ADAMTSL5: variants seen among roughly 807,000 people sequenced by gnomAD.
ADAMTSL5 encodes ADAMTS-like protein 5.
Under a neutral mutation model 51.7 loss-of-function variants are expected in ADAMTSL5, and 53 were observed. The ratio of observed to expected loss-of-function variants is 1.03; its 90% CI spans 0.82 to 1.29. The LOEUF (loss-of-function observed/expected upper bound fraction) is 1.29, where lower values mean the gene tolerates loss of function less well. ADAMTSL5 is among the 50% of genes most tolerant of loss of function. The pLI is 0.00. For missense variants in ADAMTSL5, 770 were observed against 676.2 expected, an observed-to-expected ratio of 1.14 and a Z score of -1.54; for synonymous variants, 285 against 278.7, an observed-to-expected ratio of 1.02 and a Z score of -0.23.
At chr19:1,512,135 T>C (rs1369507385) in intron 1 of ADAMTSL5, among the ~76,000 whole-genome samples, 1 of 152,174 alleles carries the variant, frequency 6.6e-6, no homozygotes, top group Non-Finnish European at 1.5e-5. Flanking sequence ...CAGGGCGTCC[T>C]GCTGCCAGCA....
intron 9 of ADAMTSL5, 92 bp downstream of exon 9, chr19:1,507,150 C>T: frequency 6.8e-7 from 1 of 1,473,348 alleles, no homozygotes; most frequent in Non-Finnish European, 9.0e-7. Flanking sequence ...CCCCTTCTGG[C>T]CCCAGTCACC....
At chr19:1,510,466 C>T (rs1347247446) in intron 3 of ADAMTSL5, 38 bp from the exon 4 acceptor site, 8 of 1,572,974 alleles carry the variant, frequency 5.1e-6, no homozygotes, top group Non-Finnish European at 6.9e-6. Context: ...CCCCCAGGGA[C>T]CCCCTCCCAG....
At position 1,506,081 on chromosome 19, in the gene ADAMTSL5, G is replaced by A. The variant is rs536048144; in HGVS notation, c.1350C>T (p.Tyr450=). 2.6e-5 allele frequency: 42 copies of A among 1,599,650 alleles called. No homozygotes were observed. The highest frequency in any genetic ancestry group is 5.1e-5 in the Admixed American group (3 of 58,718). Residue 450 remains tyrosine (Y), a synonymous_variant, in exon 12 of 12, where the codon TAC becomes TAT. Coordinates refer to ENST00000330475, the MANE Select transcript of ADAMTSL5 (RefSeq NM_213604.3). The surrounding 1 kb of genome is among the most constrained non-coding windows in gnomAD (Gnocchi z 5.6). ...CCTCCGCAGGGCTCCAGGGCCGGGC[G>A]TAGCCGGCGTGGGGCAGCAGCAGCT... ...QDQLLLPHAG[Y]ARPWSPAEDS... is the part of the protein sequence containing the mutation.
rs1269341195 is a variant in ADAMTSL5 at position 1,510,198 on chromosome 19, G to A, written c.313C>T (p.Pro105Ser). Reference protein sequence around the residue: ...DLQCALYNGRPVLGTQKTYQW... With the variant: ...DLQCALYNGRSVLGTQKTYQW... ...TAGGTCTTCTGGGTGCCCAGGACAG[G>A]GCGGCCATTGTACAGGGCACACTGT... Residue 105 changes from proline to serine, a missense_variant, in exon 5 of 12, where the codon CCT becomes TCT. By Grantham distance (74) the Pro-to-Ser change is moderately conservative. Transcript: ENST00000330475. The A allele has an allele frequency of 6.2e-7, 1 of 1,613,144 alleles. No individual in the cohort carries two copies. Among genetic ancestry groups the A allele is most frequent in the South Asian group, 1.1e-5 (1 of 90,852 alleles).
At position 1,510,912 on chromosome 19, in the gene ADAMTSL5, TGGGGCCTGGGG is replaced by T. The variant is rs1568245274; in HGVS notation, c.21_31del (p.Phe7LeufsTer67). 5 of 1,476,680 alleles carry T rather than the reference TGGGGCCTGGGG, an allele frequency of 3.4e-6. No individual in the cohort carries two copies. In the Admixed American group the frequency reaches 1.1e-4, roughly 32 times the overall value. The allele number at this position is 1,476,680 out of a possible 1,614,324, so 91.5% of individuals were successfully genotyped here. A position where few individuals can be genotyped will look rare whatever the true frequency, so the allele number is the denominator to read the frequency against. On this transcript the variant is annotated frameshift_variant, in exon 2 of 12. Coordinates refer to ENST00000330475, the MANE Select transcript of ADAMTSL5 (RefSeq NM_213604.3). LOFTEE classifies it high-confidence loss of function. ...GAAGAGCAGGAGGTTCTGGAAGAGG[TGGGGCCTGGGG>T]AACAGAGGGGCCGAGTCCATAGAGC...
chr19:1,509,646 G>A (rs1268685035), intron 5 of ADAMTSL5, among the ~76,000 whole-genome samples: 3 of 97,012 alleles, frequency 3.1e-5, no homozygotes, highest in Non-Finnish European at 4.8e-5. Context: ...GGGAGGGAGG[G>A]AGGAAGGAAG....
In ADAMTSL5 at chr19:1,506,273, C is replaced by A. The variant is rs776911552; in HGVS notation, c.1158G>T (p.Glu386Asp). Residue 386 changes from glutamate to aspartate, a missense_variant, in exon 12 of 12, where the codon GAG (glutamate) becomes GAT (aspartate). Physicochemically the swap from Glu to Asp is conservative, Grantham distance 45. Coordinates refer to ENST00000330475, the MANE Select transcript of ADAMTSL5 (RefSeq NM_213604.3). The surrounding 1 kb of genome is among the most constrained non-coding windows in gnomAD (Gnocchi z 5.6). ...GCTGGATGCGCACCTCATAGCGGGT[C>A]TCCTGGGCCTGGTGGTGGTGGCCCA... ...RVLGHHHQAQ[E>D]TRYEVRIQLV... is the part of the protein sequence containing the mutation. 1 of 1,557,304 alleles carries A rather than the reference C, an allele frequency of 6.4e-7. No homozygotes were observed.
Position 1,510,165 on chromosome 19 carries a change from C to T in ADAMTSL5, c.346G>A (p.Val116Met). ...VLGTQKTYQW[V>M]PFHGAPNQCD... The stretch of plus-strand genomic sequence containing the variant: ...GACTACTCACCCCCATGGAAGGGCA[C>T]CCACTGGTAGGTCTTCTGGGTGCCC... The change falls in exon 5 of 12, where the codon GTG becomes ATG. Residue 116 changes from valine to methionine, a missense_variant. Coordinates refer to ENST00000330475, the MANE Select transcript of ADAMTSL5 (RefSeq NM_213604.3). 6.2e-7 allele frequency: 1 copy of T among 1,611,978 alleles called. No individual in the cohort carries two copies. Among genetic ancestry groups the T allele is most frequent in the Non-Finnish European group, 8.5e-7 (1 of 1,179,492 alleles).
At chr19:1,508,155 C>T (rs1469364275) in intron 6 of ADAMTSL5, 46 bp from the exon 7 acceptor site, 4 of 1,530,086 alleles carry the variant, frequency 2.6e-6, no homozygotes, top group Non-Finnish European at 3.5e-6. Context: ...CTGGGAGGGG[C>T]AGGACCTGGG....
At position 1,506,212 on chromosome 19, in the gene ADAMTSL5, C is replaced by T. The variant is rs374627579; in HGVS notation, c.1219G>A (p.Glu407Lys). The T allele has an allele frequency of 1.5e-5, 24 of 1,604,858 alleles. No homozygotes were observed. Among genetic ancestry groups the T allele is most frequent in the East Asian group, 1.3e-4 (6 of 44,678 alleles). ...CAGTGGCCTGGCGCCCACACGTACT[C>T]GCGTGCCCGCAGTGGCGAGCGGTTC... ...YKNRSPLRAREYVWAPGHCPC... is the reference protein window; with the variant it reads ...YKNRSPLRARKYVWAPGHCPC... The change falls in exon 12 of 12, where the codon GAG becomes AAG. Residue 407 changes from glutamate (E) to lysine (K), a missense_variant. Physicochemically the swap from Glu to Lys is moderately conservative, Grantham distance 56. Coordinates refer to ENST00000330475, the MANE Select transcript of ADAMTSL5 (RefSeq NM_213604.3). This position sits in a 1 kb window ranked among gnomAD's most constrained non-coding sequence, Gnocchi z 5.6.
rs759212234 is a variant in ADAMTSL5, at chr19:1,510,879, G to T, written c.65C>A (p.Ala22Asp). 2.0e-6 allele frequency: 3 copies of T among 1,532,456 alleles called. No homozygotes were observed. Among genetic ancestry groups the T allele is most frequent in the Non-Finnish European group, 2.6e-6 (3 of 1,147,674 alleles). 94.9% of individuals were successfully genotyped at this position (1,532,456 alleles called of 1,614,324 possible). Residue 22 changes from alanine (A) to aspartate (D), a missense_variant, in exon 2 of 12, where the codon GCC becomes GAC. Physicochemically the swap from Ala to Asp is moderately radical, Grantham distance 126. Coordinates refer to ENST00000330475, the MANE Select transcript of ADAMTSL5 (RefSeq NM_213604.3). ...LFQNLLLFLW[A>D]LLNCGLGVSA... is the part of the protein sequence containing the mutation. The stretch of plus-strand genomic sequence containing the variant: ...GACCCCCAAACCACAGTTCAGCAGG[G>T]CCCACAGGAAGAGCAGGAGGTTCTG...
intron 7 of ADAMTSL5, 98 bp downstream of exon 7, chr19:1,507,900 G>T (rs971743852): frequency 1.5e-6 from 2 of 1,304,700 alleles, no homozygotes; most frequent in East Asian, 5.1e-5. Context: ...GGGCTGGGCC[G>T]CACACTGGCC....
intron 5 of ADAMTSL5, 51 bp downstream of exon 5, chr19:1,510,099 T>G: frequency 5.2e-5 from 74 of 1,430,216 alleles, no homozygotes; most frequent in Non-Finnish European, 6.5e-5. Flanking sequence ...CTGAGACTAA[T>G]GAGTTGTTCG....
intron 1 of ADAMTSL5, among the ~76,000 whole-genome samples, chr19:1,512,509 CA>C (rs1405593552): frequency 4.6e-5 from 7 of 152,174 alleles, no homozygotes; most frequent in Non-Finnish European, 7.3e-5. Context: ...GGTAAAACCC[CA>C]TCTGTACTAA....
chr19:1,512,730 G>C (rs991834621), intron 1 of ADAMTSL5, among the ~76,000 whole-genome samples: 1 of 152,012 alleles, frequency 6.6e-6, no homozygotes, highest in African/African-American at 2.4e-5. Flanking sequence ...TTGACCTTCT[G>C]ACCACCCCCA....
rs756264436 is a variant in ADAMTSL5 at position 1,510,632 on chromosome 19, C to T, written c.191+7G>A. ...AGGGGCAGGGACCCCCTCCGGGCCC[C>T]GCTCACCGGAGGCAGCGCCGGCTGC... On this transcript the variant is annotated splice_region_variant and intron_variant, in intron 3 of 11. Coordinates refer to ENST00000330475, the MANE Select transcript of ADAMTSL5 (RefSeq NM_213604.3). The T allele has an allele frequency of 4.6e-6, 7 of 1,532,148 alleles. No homozygotes were observed. Among genetic ancestry groups the T allele is most frequent in the African/African-American group, 4.2e-5 (3 of 71,850 alleles). The allele number at this position is 1,532,148 out of a possible 1,614,324, so 94.9% of individuals were successfully genotyped here. A position where few individuals can be genotyped will look rare whatever the true frequency, so the allele number is the denominator to read the frequency against.
rs1397877349 is a variant in ADAMTSL5, at chr19:1,506,823, T to G, written c.958A>C (p.Arg320=). ...ARVQALGWPL[R]QPQPRGVEPQ... ...TCCACCCCCCGGGGCTGAGGCTGCC[T>G]CAGGGGCCAGCCCAGGGCCTGCACA... Residue 320 remains arginine, a synonymous_variant, in exon 10 of 12, where the codon AGG becomes CGG. Transcript: ENST00000330475. This position sits in a 1 kb window ranked among gnomAD's most constrained non-coding sequence, Gnocchi z 5.6. 1 of 1,541,086 alleles carries G rather than the reference T, an allele frequency of 6.5e-7. No individual in the cohort carries two copies. Among genetic ancestry groups the G allele is most frequent in the South Asian group, 1.2e-5 (1 of 83,218 alleles).
chr19:1,506,104 G>C lies in ADAMTSL5; in HGVS notation c.1327C>G (p.Leu443Val). The change falls in exon 12 of 12, where the codon CTG (leucine) becomes GTG (valine). Residue 443 changes from leucine (L) to valine (V), a missense_variant. Coordinates refer to ENST00000330475, the MANE Select transcript of ADAMTSL5 (RefSeq NM_213604.3). This position sits in a 1 kb window ranked among gnomAD's most constrained non-coding sequence, Gnocchi z 5.6. ...GCGTAGCCGGCGTGGGGCAGCAGCA[G>C]CTGGTCCTGTGTGCCGTCGGGGCTG... ...LVSPDGTQDQLLLPHAGYARP... is the reference protein window; with the variant it reads ...LVSPDGTQDQVLLPHAGYARP... 3.1e-6 allele frequency: 5 copies of C among 1,606,446 alleles called. No homozygotes were observed. Among genetic ancestry groups the C allele is most frequent in the Non-Finnish European group, 4.2e-6 (5 of 1,178,106 alleles).
intron 5 of ADAMTSL5, 171 bp from the exon 6 acceptor site, chr19:1,508,741 C>A: frequency 1.3e-6 from 1 of 782,052 alleles, no homozygotes; most frequent in Admixed American, 3.9e-5. Flanking sequence ...TGCTCTGCGT[C>A]CAGCAACCTG....
Sources: allele counts gnomAD v4.1 joint callset (sites outside exome capture counted in the v4.1 genomes callset), GRCh38; gene constraint gnomAD v4.1.1; non-coding constraint Gnocchi (gnomAD v3.1); transcripts MANE v1.5; gene names NCBI Gene and HGNC (gene_info 2026-07-23, HGNC 2026-07-21).